The following GABRD variants were observed in gnomAD, a reference collection of about 807,000 sequenced individuals.
The protein encoded by GABRD is gamma-aminobutyric acid type A receptor subunit delta.
Under a neutral mutation model 47.3 loss-of-function variants are expected in GABRD, and 25 were observed. The observed-to-expected ratio is 0.53, with a 90% confidence interval of 0.39 to 0.74. GABRD has a LOEUF of 0.74. Ranked by LOEUF, GABRD falls within the 30% of genes least tolerant of loss-of-function variation. GABRD has a pLI of 0.00. For missense variants in GABRD, 497 were observed against 643.4 expected, an observed-to-expected ratio of 0.77 and a Z score of 2.46; for synonymous variants, 314 against 278.8, an observed-to-expected ratio of 1.13 and a Z score of -1.26.
chr1:2,027,695 A>G, intron 5 of GABRD, 36 bp downstream of exon 5: 1 of 1,568,106 alleles, frequency 6.4e-7, no homozygotes, highest in South Asian at 1.1e-5. Flanking sequence ...GGGCTTCTCC[A>G]GCAGTGGATG....
chr1:2,024,114 T>C, intron 1 of GABRD: 1 of 152,360 alleles, frequency 6.6e-6, no homozygotes. Flanking sequence ...CTTAACTAAT[T>C]ACCTCTGCAA....
intron 4 of GABRD, 137 bp downstream of exon 4, chr1:2,025,875 A>G: frequency 1.5e-6 from 1 of 687,680 alleles, no homozygotes; most frequent in Non-Finnish European, 2.4e-6. Flanking sequence ...GGGGGGGCAG[A>G]AGCTGCGCGG....
Position 2,030,097 on chromosome 1 carries a change from A to C in GABRD, c.1174A>C (p.Arg392=), listed in dbSNP as rs1553123940. The C allele has an allele frequency of 1.3e-6, 2 of 1,597,556 alleles. No individual in the cohort carries two copies. The highest frequency in any genetic ancestry group is 1.7e-6 in the Non-Finnish European group (2 of 1,171,916). The part of the protein sequence containing the change: ...RVPGNLMGSY[R]SVGVETGETK... ...CCCGGGGAACCTGATGGGCTCCTACAGGTCGGTGGGGGTGGAGACAGGGGA... is the reference window on the plus strand; with the variant it reads ...CCCGGGGAACCTGATGGGCTCCTACCGGTCGGTGGGGGTGGAGACAGGGGA... Residue 392 remains arginine, a synonymous_variant, in exon 9 of 9, where the codon AGG becomes CGG. Transcript: ENST00000378585.
chr1:2,028,863 G>A lies in GABRD; in HGVS notation c.692-248G>A. ...GGCCAGTCCAGCAAACATGAGGCCA[G>A]CAGTAACCTCAGCCTCTCTCCCTCT... On this transcript the variant is annotated intron_variant, in intron 6 of 8. Coordinates refer to ENST00000378585, the MANE Select transcript of GABRD (RefSeq NM_000815.5). This position sits in a 1 kb window ranked among gnomAD's most constrained non-coding sequence, Gnocchi z 6.4. The A allele has an allele frequency of 1.8e-6, 1 of 569,388 alleles. No individual in the cohort carries two copies. The highest frequency in any genetic ancestry group is 4.7e-4 in the Middle Eastern group (1 of 2,136). The allele number at this position is 569,388 out of a possible 1,614,324, so 35.3% of individuals were successfully genotyped here.
intron 4 of GABRD, among the ~76,000 whole-genome samples, chr1:2,026,177 C>T (rs895257121): frequency 5.9e-5 from 9 of 152,206 alleles, no homozygotes; most frequent in African/African-American, 2.2e-4. Context: ...CTCCAGCAGC[C>T]ACCCGCTTGC....
chr1:2,021,067 G>T (rs1040532672), intron 1 of GABRD, among the ~76,000 whole-genome samples: 1 of 152,212 alleles, frequency 6.6e-6, no homozygotes, highest in Admixed American at 6.5e-5. Context: ...GGAAGGCCAC[G>T]GCCCAGCCAG....
intron 4 of GABRD, chr1:2,027,005 A>G: frequency 5.9e-6 from 1 of 170,366 alleles, no homozygotes; most frequent in Admixed American, 5.4e-5. Flanking sequence ...ATAATAAAAA[A>G]CATTAGCTGG....
chr1:2,021,062 G>C (rs1188376188), intron 1 of GABRD, among the ~76,000 whole-genome samples: 4 of 152,182 alleles, frequency 2.6e-5, no homozygotes, highest in Non-Finnish European at 5.9e-5. Flanking sequence ...AAGCTGGAAG[G>C]CCACGGCCCA....
Position 2,028,192 on chromosome 1 carries a change from G to A in GABRD, c.591G>A (p.Ser197=), listed in dbSNP as rs756079485. The change falls in exon 6 of 9, where the codon TCG becomes TCA. Residue 197 remains serine, a synonymous_variant. Coordinates refer to ENST00000378585, the MANE Select transcript of GABRD (RefSeq NM_000815.5). The surrounding 1 kb of genome is among the most constrained non-coding windows in gnomAD (Gnocchi z 6.4). The part of the protein sequence containing the change: ...YSSEDIVYYW[S]ESQEHIHGLD... ...CGGAGGACATCGTCTACTACTGGTCGGAGAGCCAGGAGCACATCCACGGGC... is the reference window on the plus strand; with the variant it reads ...CGGAGGACATCGTCTACTACTGGTCAGAGAGCCAGGAGCACATCCACGGGC... 14 of 1,612,298 alleles carry A rather than the reference G, an allele frequency of 8.7e-6. No individual in the cohort carries two copies. Among genetic ancestry groups the A allele is most frequent in the African/African-American group, 1.3e-5 (1 of 74,872 alleles).
In GABRD at chr1:2,028,363, C is replaced by T. The variant is rs547395306; in HGVS notation, c.691+71C>T. 192 of 1,403,008 alleles carry T rather than the reference C, an allele frequency of 1.4e-4. No individual in the cohort carries two copies. The African/African-American group carries it at 2.3e-3, about 17-fold the overall frequency. The allele number at this position is 1,403,008 out of a possible 1,614,324, so 86.9% of individuals were successfully genotyped here. A position where few individuals can be genotyped will look rare whatever the true frequency, so the allele number is the denominator to read the frequency against. ...CCGCGCGCGCCCACCGCCCCTTCCGCGCGCGCCCACCGCCCCTTCCGCGTG... is the reference window on the plus strand; with the variant it reads ...CCGCGCGCGCCCACCGCCCCTTCCGTGCGCGCCCACCGCCCCTTCCGCGTG... On this transcript the variant is annotated intron_variant, in intron 6 of 8. Transcript: ENST00000378585. The surrounding 1 kb of genome is among the most constrained non-coding windows in gnomAD (Gnocchi z 6.4).
At chr1:2,027,249 G>A in intron 4 of GABRD, 1 of 422,952 alleles carries the variant, frequency 2.4e-6, no homozygotes, top group South Asian at 2.2e-5. Flanking sequence ...GCAACTCTGG[G>A]CCTATTCCCG....
Position 2,029,532 on chromosome 1 carries a change from CA to C in GABRD, c.848-18del. 6.2e-7 allele frequency: 1 copy of C among 1,610,946 alleles called. No homozygotes were observed. The highest frequency in any genetic ancestry group is 8.5e-7 in the Non-Finnish European group (1 of 1,179,830). ...CGTGAGGGCAGGGCTACGACAATGG[CA>C]CCACCTGTGCCCGGCAGGCATCACC... On this transcript the variant is annotated intron_variant, in intron 7 of 8. Transcript: ENST00000378585.
In GABRD at chr1:2,024,871, A is replaced by C. The variant is rs534518533; in HGVS notation, c.69-71A>C. The stretch of plus-strand genomic sequence containing the variant: ...GTGCCCAGAACAGTGCTGCATCCCC[A>C]GGAAGGGACCCAGGCTCAGTGGAAT... On this transcript the variant is annotated intron_variant, in intron 1 of 8. Transcript: ENST00000378585. The C allele has an allele frequency of 2.3e-4, 271 of 1,171,122 alleles. 4 individuals are homozygous for C. The South Asian group carries it at 3.5e-3, about 15-fold the overall frequency. 72.5% of individuals were successfully genotyped at this position (1,171,122 alleles called of 1,614,324 possible).
rs949738184 is a variant in GABRD, at chr1:2,025,840, G to T, written c.470+102G>T. The T allele has an allele frequency of 6.6e-6, 7 of 1,055,406 alleles. No individual in the cohort carries two copies. The Admixed American group carries it at 1.7e-4, about 25-fold the overall frequency. The allele number at this position is 1,055,406 out of a possible 1,614,324, so 65.4% of individuals were successfully genotyped here. A position where few individuals can be genotyped will look rare whatever the true frequency, so the allele number is the denominator to read the frequency against. On this transcript the variant is annotated intron_variant, in intron 4 of 8. Transcript: ENST00000378585. ...TGGAAAAGCTCGAGCGGCTTCTGCTGCCGGGAGCTGGCGGGCGGGCGGAGG... is the reference window on the plus strand; with the variant it reads ...TGGAAAAGCTCGAGCGGCTTCTGCTTCCGGGAGCTGGCGGGCGGGCGGAGG...
rs1659026710 is a variant in GABRD at position 2,029,583 on chromosome 1, A to G, written c.880A>G (p.Met294Val). ...CACGGTGCTGACGATGACCACGCTC[A>G]TGGTCAGTGCCCGCTCCTCCCTGCC... ...ITTVLTMTTL[M>V]VSARSSLPRA... Residue 294 changes from methionine (M) to valine (V), a missense_variant, in exon 8 of 9, where the codon ATG becomes GTG. Met to Val is a conservative substitution (Grantham distance 21). Coordinates refer to ENST00000378585, the MANE Select transcript of GABRD (RefSeq NM_000815.5). The G allele has an allele frequency of 1.9e-6, 3 of 1,613,048 alleles. No homozygotes were observed. Among genetic ancestry groups the G allele is most frequent in the Non-Finnish European group, 2.5e-6 (3 of 1,179,976 alleles).
At chr1:2,020,524 G>A (rs574555261) in intron 1 of GABRD, among the ~76,000 whole-genome samples, 1 of 152,372 alleles carries the variant, frequency 6.6e-6, no homozygotes, top group Non-Finnish European at 1.5e-5. Flanking sequence ...CCTGGGTCCA[G>A]CTGCAGCCGT....
At position 2,025,614 on chromosome 1, in the gene GABRD, G is replaced by A. The variant is rs1007549925; in HGVS notation, c.346G>A (p.Val116Met). Residue 116 changes from valine to methionine, a missense_variant, in exon 4 of 9, where the codon GTG (valine) becomes ATG (methionine). Val to Met is a conservative substitution (Grantham distance 21). This residue lies in a region of GABRD where 285 missense variants were observed against 436.6 expected (regional missense o/e 0.65). Transcript: ENST00000378585. ...NETLGLDSRF[V>M]DKLWLPDTFI... ...GACCCTGGGTCTGGACAGCCGCTTC[G>A]TGGACAAGCTGTGGCTGCCCGACAC... 3 of 1,613,122 alleles carry A rather than the reference G, an allele frequency of 1.9e-6. No homozygotes were observed. Among genetic ancestry groups the A allele is most frequent in the Non-Finnish European group, 2.5e-6 (3 of 1,180,014 alleles).
chr1:2,020,776 C>CT (rs1204715161), intron 1 of GABRD, among the ~76,000 whole-genome samples: 4 of 152,240 alleles, frequency 2.6e-5, no homozygotes, highest in African/African-American at 4.8e-5. Context: ...CCAGACGGCT[C>CT]TGAAACCCCA....
Position 2,030,626 on chromosome 1 carries a change from C to G in GABRD, c.*344C>G, listed in dbSNP as rs1337074604. ...TCCTGGTTTCTAGGTCTTTGCTCTG[C>G]AGGATCGGGATCAGAGCGTGGGAGG... On this transcript the variant is annotated 3_prime_UTR_variant, in exon 9 of 9. Transcript: ENST00000378585. The G allele has an allele frequency of 1.4e-5, 3 of 220,876 alleles. No individual in the cohort carries two copies. The highest frequency in any genetic ancestry group is 2.6e-5 in the Non-Finnish European group (3 of 113,242). The allele number at this position is 220,876 out of a possible 1,614,324, so 13.7% of individuals were successfully genotyped here.
Sources: gnomAD v4.1 joint callset for allele counts (sites outside exome capture counted in the v4.1 genomes callset) on GRCh38, gnomAD v4.1.1 for gene constraint, gnomAD v4.1.1 regional missense constraint, Gnocchi (gnomAD v3.1) non-coding constraint, MANE v1.5 for transcripts, NCBI Gene and HGNC (gene_info 2026-07-23, HGNC 2026-07-21) for gene names.